SPAG17: variants seen among roughly 807,000 people sequenced by gnomAD.
SPAG17 encodes the protein sperm associated antigen 17.
A neutral mutation model predicts 273.6 loss-of-function variants in SPAG17; 169 were observed. That is an observed-to-expected ratio of 0.62 (90% CI 0.55 to 0.70). The LOEUF (loss-of-function observed/expected upper bound fraction) is 0.70. Among genes scored for constraint, SPAG17 ranks in the 30% least tolerant of loss-of-function variants. The pLI is 0.00. For missense variants in SPAG17, 2,557 were observed against 2,627.8 expected (o/e 0.97, Z 0.59); for synonymous variants, 825 against 873.2 (o/e 0.94, Z 0.97).
chr1:117,963,892 G>C lies in SPAG17; in HGVS notation c.6579C>G (p.Pro2193=), dbSNP rs143766033. The change falls in exon 48 of 49, where the codon CCC becomes CCG. Residue 2193 remains proline (P), a synonymous_variant. Transcript: ENST00000336338. ...GGACCATTGGATTTTCTTTTCCCTG[G>C]GGAAAGTCTTTTGGTCGTTTATCAT... is the stretch of plus-strand genomic sequence containing the variant. ...SNYDKRPKDF[P]QGKENPMVQR... 6.2e-7 allele frequency: 1 copy of C among 1,613,734 alleles called. No individual in the cohort carries two copies. Among genetic ancestry groups the C allele is most frequent in the African/African-American group, 1.3e-5 (1 of 74,898 alleles).
chr1:118,065,874 A>T, intron 18 of SPAG17, among the ~76,000 whole-genome samples: 1 of 152,128 alleles, frequency 6.6e-6, no homozygotes, highest in East Asian at 1.9e-4. Flanking sequence ...TGCCTTTAAA[A>T]TCTGGAATAA....
At chr1:117,997,605 C>T (rs1278870984) in intron 32 of SPAG17, among the ~76,000 whole-genome samples, 1 of 151,010 alleles carries the variant, frequency 6.6e-6, no homozygotes, top group Non-Finnish European at 1.5e-5. Flanking sequence ...AGATAAATGC[C>T]TAGAGCAATG....
chr1:118,075,985 A>G (rs1422629976), intron 15 of SPAG17, among the ~76,000 whole-genome samples: 1 of 151,584 alleles, frequency 6.6e-6, no homozygotes, highest in Non-Finnish European at 1.5e-5. Flanking sequence ...CTGTCTCTCC[A>G]CCTCATATGT....
intron 4 of SPAG17, among the ~76,000 whole-genome samples, chr1:118,112,000 G>T (rs1656790203): frequency 6.6e-6 from 1 of 152,118 alleles, no homozygotes; most frequent in Non-Finnish European, 1.5e-5. Context: ...AATATATTTG[G>T]ATCTTCTCCC....
intron 48 of SPAG17, chr1:117,955,345 G>C: frequency 6.2e-7 from 1 of 1,612,242 alleles, no homozygotes; most frequent in South Asian, 1.1e-5. Context: ...GATTTTTAAA[G>C]GGATCAAGTC....
intron 4 of SPAG17, among the ~76,000 whole-genome samples, chr1:118,107,470 T>G (rs1284256378): frequency 6.6e-6 from 1 of 152,118 alleles, no homozygotes; most frequent in East Asian, 1.9e-4. Context: ...TTAAACTAAT[T>G]TCCATTAACA....
At chr1:118,161,691 C>A (rs1430352287) in intron 1 of SPAG17, among the ~76,000 whole-genome samples, 1 of 152,098 alleles carries the variant, frequency 6.6e-6, no homozygotes, top group African/African-American at 2.4e-5. Flanking sequence ...GCGCCCGCCC[C>A]CACCTGGCTA....
intron 10 of SPAG17, 138 bp from the exon 11 acceptor site, chr1:118,087,146 G>C (rs1304186284): frequency 1.3e-5 from 11 of 859,278 alleles, no homozygotes; most frequent in Non-Finnish European, 1.7e-6. Flanking sequence ...ACACAAAATG[G>C]CAGGAAACTA....
rs189411372 is a variant in SPAG17 at position 118,030,956 on chromosome 1, C to T, written c.3609+736G>A. ...ATTTATAATCCTTTGGGTATATACT[C>T]AGTAATGAGATTGCTGGGTCAAATG... is the stretch of plus-strand genomic sequence containing the variant. On this transcript the variant is annotated intron_variant, in intron 25 of 48. Transcript: ENST00000336338. Among the ~76,000 whole-genome samples, 562 of 152,190 alleles carry T rather than the reference C, an allele frequency of 3.7e-3. 4 individuals are homozygous for T. Among genetic ancestry groups the T allele is most frequent in the African/African-American group, 0.013 (534 of 41,526 alleles).
chr1:118,083,322 C>T (rs1005844854), intron 13 of SPAG17, among the ~76,000 whole-genome samples: 54 of 152,194 alleles, frequency 3.5e-4, no homozygotes, highest in African/African-American at 1.2e-3. Flanking sequence ...ATCCAACCAA[C>T]ATTTTAGAAG....
intron 27 of SPAG17, among the ~76,000 whole-genome samples, chr1:118,024,007 A>C (rs766481370): frequency 2.0e-5 from 3 of 152,090 alleles, no homozygotes; most frequent in Non-Finnish European, 2.9e-5. Context: ...TCTGGTTTTT[A>C]TTCTTGTATA....
intron 42 of SPAG17, among the ~76,000 whole-genome samples, 168 bp downstream of exon 42, chr1:117,983,643 A>T (rs941794494): frequency 2.0e-5 from 3 of 152,166 alleles, no homozygotes; most frequent in African/African-American, 7.2e-5. Flanking sequence ...ATGAAAACTA[A>T]ATGTTATTTA....
At chr1:118,097,186 C>T (rs1206575632) in intron 7 of SPAG17, among the ~76,000 whole-genome samples, 1 of 150,322 alleles carries the variant, frequency 6.7e-6, no homozygotes, top group African/African-American at 2.5e-5. Context: ...AGTGAGATCA[C>T]ACCACTGCAC....
Position 118,016,202 on chromosome 1 carries a change from T to C in SPAG17, c.4070-20A>G. The C allele has an allele frequency of 1.9e-6, 3 of 1,574,630 alleles. No individual in the cohort carries two copies. The highest frequency in any genetic ancestry group is 2.6e-6 in the Non-Finnish European group (3 of 1,145,056). ...TTTTTCCTGTGAAGTTCAAGTAAAA[T>C]CAAACAACAACAATATAACTATAGT... is the stretch of plus-strand genomic sequence containing the variant. On this transcript the variant is annotated intron_variant, in intron 28 of 48. Coordinates refer to ENST00000336338, the MANE Select transcript of SPAG17 (RefSeq NM_206996.4).
At chr1:118,093,451 T>C in intron 7 of SPAG17, 134 bp from the exon 8 acceptor site, 1 of 823,762 alleles carries the variant, frequency 1.2e-6, no homozygotes, top group Non-Finnish European at 1.8e-6. Flanking sequence ...TCCAAACCAC[T>C]GAATCCCAAC....
At chr1:118,066,093 T>C (rs1329214570) in intron 18 of SPAG17, among the ~76,000 whole-genome samples, 1 of 152,148 alleles carries the variant, frequency 6.6e-6, no homozygotes, top group Non-Finnish European at 1.5e-5. Flanking sequence ...ATACAGTATA[T>C]TCCCCCAATT....
intron 32 of SPAG17, 85 bp downstream of exon 32, chr1:118,005,328 TA>T: frequency 1.6e-6 from 2 of 1,215,896 alleles, no homozygotes; most frequent in South Asian, 2.0e-5. Context: ...GCAACTAAGG[TA>T]AAAATCTACA....
intron 4 of SPAG17, among the ~76,000 whole-genome samples, chr1:118,112,275 T>C (rs1656806567): frequency 6.6e-6 from 1 of 152,030 alleles, no homozygotes; most frequent in African/African-American, 2.4e-5. Flanking sequence ...ATATATAATA[T>C]TCAGATAATG....
intron 24 of SPAG17, among the ~76,000 whole-genome samples, chr1:118,033,263 C>A (rs1648693869): frequency 6.6e-6 from 1 of 152,192 alleles, no homozygotes; most frequent in Non-Finnish European, 1.5e-5. Context: ...GTGCTACAGA[C>A]ATTTCAAACT....
Sources: allele counts gnomAD v4.1 joint callset (sites outside exome capture counted in the v4.1 genomes callset), GRCh38; gene constraint gnomAD v4.1.1; transcripts MANE v1.5; gene names NCBI Gene and HGNC (gene_info 2026-07-23, HGNC 2026-07-21).